The following MYO15A variants were observed in gnomAD, a reference collection of about 807,000 sequenced individuals.
The protein encoded by MYO15A is myosin XVA.
Under a neutral mutation model 394.6 loss-of-function variants are expected in MYO15A, and 308 were observed. The ratio of observed to expected loss-of-function variants is 0.78; its 90% CI spans 0.71 to 0.86. The LOEUF (loss-of-function observed/expected upper bound fraction) is 0.86. MYO15A is among the 40% of genes least tolerant of loss of function. The probability of loss-of-function intolerance (pLI) is 0.00; values close to 1 mark genes in which losing one functional copy is unlikely to be tolerated. For missense variants in MYO15A, 4,606 were observed against 4,799.1 expected (o/e 0.96, Z 1.19); for synonymous variants, 1,957 against 2,003.8 (o/e 0.98, Z 0.62).
intron 65 of MYO15A, chr17:18,178,231 G>A (rs575093552): frequency 2.5e-4 from 50 of 197,992 alleles, no homozygotes; most frequent in Admixed American, 1.2e-3. Flanking sequence ...TTAGCTGGGC[G>A]TGGTGGTGCA....
chr17:18,121,510 C>T lies in MYO15A; in HGVS notation c.2710C>T (p.Leu904=). The change falls in exon 2 of 66, where the codon CTG becomes TTG. Residue 904 remains leucine (L), a synonymous_variant. Coordinates refer to ENST00000647165, the MANE Select transcript of MYO15A (RefSeq NM_016239.4). The surrounding 1 kb of genome is among the most constrained non-coding windows in gnomAD (Gnocchi z 5.3). ...CAGGGCCGGGGCCTGGCGGGCGCCC[C>T]TGGAACACCGGGAGAGCCCGCGAGA... ...PPRAGAWRAP[L]EHRESPREPE... is the part of the protein sequence containing the mutation. 6.4e-7 allele frequency: 1 copy of T among 1,556,346 alleles called. No homozygotes were observed. The highest frequency in any genetic ancestry group is 8.7e-7 in the Non-Finnish European group (1 of 1,150,626).
In MYO15A at chr17:18,168,713, C is replaced by G. The variant is rs1371934267; in HGVS notation, c.10082+990C>G. On this transcript the variant is annotated intron_variant, in intron 62 of 65. Coordinates refer to ENST00000647165, the MANE Select transcript of MYO15A (RefSeq NM_016239.4). ...GAGCCACCCTGGCTGGCCTAGACAG[C>G]CTTTAAACTGACGTTCTCTAAGTTA... Among the ~76,000 whole-genome samples, 7 of 152,052 alleles carry G rather than the reference C, an allele frequency of 4.6e-5. No homozygotes were observed. In the South Asian group the frequency reaches 1.0e-3, roughly 23 times the overall value.
intron 47 of MYO15A, 52 bp from the exon 48 acceptor site, chr17:18,156,143 G>A (rs1451370602): frequency 6.2e-7 from 1 of 1,612,912 alleles, no homozygotes; most frequent in African/African-American, 1.3e-5. Context: ...ACAATAGGTG[G>A]AAGGAGGGCA....
At chr17:18,129,829 T>C (rs2046119215) in intron 7 of MYO15A, among the ~76,000 whole-genome samples, 2 of 152,232 alleles carry the variant, frequency 1.3e-5, no homozygotes, top group East Asian at 1.9e-4. Flanking sequence ...TGATCAGCCA[T>C]GGTCACCCCT....
intron 62 of MYO15A, among the ~76,000 whole-genome samples, 182 bp from the exon 63 acceptor site, chr17:18,171,456 A>T (rs2046938941): frequency 6.6e-6 from 1 of 152,182 alleles, no homozygotes; most frequent in African/African-American, 2.4e-5. Flanking sequence ...CCCGGCCATG[A>T]TTAAGCAGTA....
Position 18,179,379 on chromosome 17 carries a change from GGT to G in MYO15A, c.*513_*514del, listed in dbSNP as rs1278228063. ...TTTGGTTATTTCTGTGCAAACAAAA[GGT>G]GTGCCTGGCAGCCATTTCTCCATGG... On this transcript the variant is annotated 3_prime_UTR_variant, in exon 66 of 66. Coordinates refer to ENST00000647165, the MANE Select transcript of MYO15A (RefSeq NM_016239.4). 2 of 190,486 alleles carry G rather than the reference GGT, an allele frequency of 1.0e-5. No individual in the cohort carries two copies. The highest frequency in any genetic ancestry group is 4.7e-5 in the African/African-American group (2 of 42,850). 11.8% of individuals were successfully genotyped at this position (190,486 alleles called of 1,614,324 possible).
rs1409208618 is a variant in MYO15A at position 18,148,136 on chromosome 17, T to C, written c.6617T>C (p.Leu2206Ser). The change falls in exon 31 of 66, where the codon TTA becomes TCA. Residue 2206 changes from leucine (L) to serine (S), a missense_variant. By Grantham distance (145) the Leu-to-Ser change is moderately radical (BLOSUM62 -2). Transcript: ENST00000647165. This position sits in a 1 kb window ranked among gnomAD's most constrained non-coding sequence, Gnocchi z 4.8. ...CAGGGCTCGGGGGCTGCCCGCACCT[T>C]ACCCCCGACCCAGCTCGAGTGGACA... Reference protein sequence around the residue: ...QQQGSGAARTLPPTQLEWTAT... With the variant: ...QQQGSGAARTSPPTQLEWTAT... The C allele has an allele frequency of 6.2e-7, 1 of 1,613,690 alleles. No homozygotes were observed. The highest frequency in any genetic ancestry group is 8.5e-7 in the Non-Finnish European group (1 of 1,180,022).
At chr17:18,125,543 A>T (rs2046019442) in intron 4 of MYO15A, 1 of 352,030 alleles carries the variant, frequency 2.8e-6, no homozygotes, top group Non-Finnish European at 5.5e-6. Context: ...AAATACAAAA[A>T]AAAAAAAAAA....
rs2046929064 is a variant in MYO15A, at chr17:18,170,823, T to A, written c.10083-815T>A. Among the ~76,000 whole-genome samples, 3 of 152,178 alleles carry A rather than the reference T, an allele frequency of 2.0e-5. No homozygotes were observed. In the South Asian group the frequency reaches 6.2e-4, roughly 32 times the overall value. On this transcript the variant is annotated intron_variant, in intron 62 of 65. Transcript: ENST00000647165. Reference sequence around the variant, plus strand: ...ATCTCAGCTATTCTTCCCAACTCCATTTTATTTTCCCCATTTACAGATAAG... The same window carrying A: ...ATCTCAGCTATTCTTCCCAACTCCAATTTATTTTCCCCATTTACAGATAAG...
chr17:18,126,963 G>C (rs1209502907), intron 6 of MYO15A, 98 bp downstream of exon 6: 1 of 1,593,548 alleles, frequency 6.3e-7, no homozygotes, highest in African/African-American at 1.3e-5. Flanking sequence ...AGATTGCCTG[G>C]TACCTCTGGG....
intron 47 of MYO15A, chr17:18,155,797 T>G (rs1055371271): frequency 4.7e-6 from 2 of 424,776 alleles, no homozygotes; most frequent in African/African-American, 4.0e-5. Context: ...CTCCCTCCCC[T>G]GCTAGAAGTC....
intron 10 of MYO15A, 26 bp downstream of exon 10, chr17:18,131,557 G>A: frequency 2.5e-6 from 4 of 1,613,620 alleles, no homozygotes; most frequent in Non-Finnish European, 3.4e-6. Context: ...CCAGGCCTCT[G>A]TGTTGGGCAG....
intron 1 of MYO15A, among the ~76,000 whole-genome samples, chr17:18,114,400 C>T (rs1010380643): frequency 2.6e-5 from 4 of 151,962 alleles, no homozygotes; most frequent in African/African-American, 9.7e-5. Flanking sequence ...TACAGGCATG[C>T]GCCACCACGC....
chr17:18,129,264 A>C (rs990444748), intron 7 of MYO15A, among the ~76,000 whole-genome samples: 3 of 152,138 alleles, frequency 2.0e-5, no homozygotes, highest in Admixed American at 1.3e-4. Context: ...CACAGGTTCC[A>C]CCCTTCTGGT....
At position 18,148,880 on chromosome 17, in the gene MYO15A, A is replaced by G. The variant is rs2046529512; in HGVS notation, c.6884A>G (p.Asp2295Gly). The G allele has an allele frequency of 6.2e-7, 1 of 1,607,110 alleles. No individual in the cohort carries two copies. Among genetic ancestry groups the G allele is most frequent in the African/African-American group, 1.3e-5 (1 of 74,774 alleles). Residue 2295 changes from aspartate to glycine, a missense_variant, in exon 33 of 66, where the codon GAC (aspartate) becomes GGC (glycine). Asp to Gly is a moderately conservative substitution (Grantham distance 94, BLOSUM62 -1). Around this residue, in one of 2 missense-constraint regions of MYO15A, gnomAD observed 2,776 missense variants for 3,109.3 expected, o/e 0.89. Transcript: ENST00000647165. This position sits in a 1 kb window ranked among gnomAD's most constrained non-coding sequence, Gnocchi z 4.8. Reference protein sequence around the residue: ...DLVSDLELLRDFPRQKSYFIV... With the variant: ...DLVSDLELLRGFPRQKSYFIV... ...GTGTCGGACCTGGAGCTGCTCAGGG[A>G]CTTCCCTCGACAGAAGTCCTACTTC...
At chr17:18,163,978 ATC>A in intron 60 of MYO15A, 140 bp downstream of exon 60, 1 of 824,910 alleles carries the variant, frequency 1.2e-6, no homozygotes, top group Non-Finnish European at 2.0e-6. Flanking sequence ...ATGTGGAAGG[ATC>A]TCTGTGTGTA....
At chr17:18,175,308 T>TTTTTTTTTTTTTTTG (rs71155320) in intron 65 of MYO15A, among the ~76,000 whole-genome samples, 1 of 147,044 alleles carries the variant, frequency 6.8e-6, no homozygotes, top group Non-Finnish European at 1.5e-5. Flanking sequence ...TTTTTTTTTT[T>TTTTTTTTTTTTTTTG]GAGGCAAAGT....
At position 18,153,524 on chromosome 17, in the gene MYO15A, C is replaced by T. The variant is rs183398682; in HGVS notation, c.7967-251C>T. On this transcript the variant is annotated intron_variant, in intron 42 of 65. Coordinates refer to ENST00000647165, the MANE Select transcript of MYO15A (RefSeq NM_016239.4). This position sits in a 1 kb window ranked among gnomAD's most constrained non-coding sequence, Gnocchi z 4.1. ...CTAGCCGGCCCAACATGGCGAAACC[C>T]CATCTCTACTAAACATACAAAAAAT... 5 of 186,712 alleles carry T rather than the reference C, an allele frequency of 2.7e-5. No individual in the cohort carries two copies. Among genetic ancestry groups the T allele is most frequent in the Admixed American group, 1.2e-4 (2 of 16,062 alleles). 11.6% of individuals were successfully genotyped at this position (186,712 alleles called of 1,614,324 possible).
Position 18,173,802 on chromosome 17 carries a change from C to T in MYO15A, c.10372C>T (p.Leu3458=), listed in dbSNP as rs267604765. The T allele has an allele frequency of 6.2e-7, 1 of 1,614,018 alleles. No individual in the cohort carries two copies. Among genetic ancestry groups the T allele is most frequent in the Non-Finnish European group, 8.5e-7 (1 of 1,180,036 alleles). ...ETHELMVKFP[L]KEIQSTRTQR... ...CCAGGAATTGATGGTGAAGTTCCCC[C>T]TGAAGGAGATCCAGTCGACGCGGAC... Residue 3458 remains leucine, a synonymous_variant, in exon 65 of 66, where the codon CTG becomes TTG. Coordinates refer to ENST00000647165, the MANE Select transcript of MYO15A (RefSeq NM_016239.4).
Sources: gnomAD v4.1 joint callset for allele counts (sites outside exome capture counted in the v4.1 genomes callset) on GRCh38, gnomAD v4.1.1 for gene constraint, gnomAD v4.1.1 regional missense constraint, Gnocchi (gnomAD v3.1) non-coding constraint, MANE v1.5 for transcripts, NCBI Gene and HGNC (gene_info 2026-07-23, HGNC 2026-07-21) for gene names.